Variants in NEBL observed in about 807,000 individuals in gnomAD.
NEBL encodes LIM and SH3 protein 2.
A neutral mutation model predicts 140.2 loss-of-function variants in NEBL; 122 were observed. The observed-to-expected ratio is 0.87, with a 90% confidence interval of 0.75 to 1.01. The LOEUF (loss-of-function observed/expected upper bound fraction) is 1.01. NEBL is among the 50% of genes least tolerant of loss of function. The probability of loss-of-function intolerance (pLI) is 0.00; values close to 1 mark genes in which losing one functional copy is unlikely to be tolerated. For missense variants in NEBL, 1,365 were observed against 1,231.3 expected (o/e 1.11, Z -1.62); for synonymous variants, 436 against 398.9 (o/e 1.09, Z -1.11).
upstream of NEBL, among the ~76,000 whole-genome samples, chr10:21,179,203 C>T (rs1841348659): frequency 6.6e-6 from 1 of 152,132 alleles, no homozygotes; most frequent in African/African-American, 2.4e-5. Context: ...ACAGGGTCAG[C>T]CTGCTCTCTG....
intron 3 of NEBL, among the ~76,000 whole-genome samples, chr10:21,003,003 C>CTTTTTTTT: frequency 7.8e-6 from 1 of 127,764 alleles, no homozygotes; most frequent in Non-Finnish European, 1.6e-5. Context: ...CATTATGTGG[C>CTTTTTTTT]TTTTTTTTTT....
At chr10:21,039,621 A>G (rs75820862) in intron 2 of NEBL, among the ~76,000 whole-genome samples, 4,251 of 152,254 alleles carry the variant, frequency 0.028, 89 homozygotes, top group Middle Eastern at 0.092. Context: ...ACCACTGAAC[A>G]TAACTTAAAA....
chr10:21,117,526 T>TCAGCC (rs1838340036), intron 2 of NEBL, among the ~76,000 whole-genome samples: 1 of 152,192 alleles, frequency 6.6e-6, no homozygotes, highest in Non-Finnish European at 1.5e-5. Context: ...TTCCTGTGCC[T>TCAGCC]CAGCCTAGAA....
chr10:20,826,710 A>G (rs1839914258), intron 17 of NEBL, among the ~76,000 whole-genome samples, 171 bp from the exon 18 acceptor site: 1 of 152,168 alleles, frequency 6.6e-6, no homozygotes, highest in Non-Finnish European at 1.5e-5. Flanking sequence ...TAATCCATGA[A>G]AACTTTGGTT....
chr10:20,799,810 C>T (rs10740985), intron 26 of NEBL, among the ~76,000 whole-genome samples: 69,557 of 151,784 alleles, frequency 0.46, 16,721 homozygotes, highest in East Asian at 0.64. Flanking sequence ...GTATTTTCTT[C>T]TTCTTAAATA....
At chr10:21,051,860 G>C (rs1052135783) in intron 2 of NEBL, among the ~76,000 whole-genome samples, 2 of 152,078 alleles carry the variant, frequency 1.3e-5, no homozygotes, top group East Asian at 1.9e-4. Context: ...TGTTCCTTAA[G>C]TATTTAATTT....
chr10:20,957,007 T>G (rs1835837889), intron 4 of NEBL, among the ~76,000 whole-genome samples: 1 of 152,218 alleles, frequency 6.6e-6, no homozygotes, highest in Non-Finnish European at 1.5e-5. Flanking sequence ...GTCAGCAGCC[T>G]GAACATGGTT....
At chr10:21,234,010 G>A in intron 3 of NEBL, among the ~76,000 whole-genome samples, 1 of 126,722 alleles carries the variant, frequency 7.9e-6, no homozygotes, top group Admixed American at 8.0e-5. Context: ...GAGATTGTGA[G>A]ATAGATAGAT....
At chr10:21,082,276 T>C (rs1347527533) in intron 2 of NEBL, among the ~76,000 whole-genome samples, 2 of 152,152 alleles carry the variant, frequency 1.3e-5, no homozygotes, top group Non-Finnish European at 2.9e-5. Flanking sequence ...ATAAAGAATA[T>C]TTATTTGGGC....
chr10:20,929,584 T>TA (rs529964516), intron 4 of NEBL, among the ~76,000 whole-genome samples: 102 of 152,246 alleles, frequency 6.7e-4, no homozygotes, highest in African/African-American at 2.4e-3. Flanking sequence ...AGAGAAAGAA[T>TA]AAAATCATAT....
intron 3 of NEBL, chr10:21,247,648 T>A (rs997235019): frequency 4.6e-5 from 7 of 152,194 alleles, no homozygotes; most frequent in African/African-American, 1.4e-4. Context: ...CTTCCCCAAG[T>A]CCCTGGTAAC....
intron 3 of NEBL, among the ~76,000 whole-genome samples, chr10:20,981,074 G>T (rs1837020087): frequency 6.6e-6 from 1 of 152,124 alleles, no homozygotes; most frequent in African/African-American, 2.4e-5. Context: ...ATAGGCATAA[G>T]CCACTGTGCC....
At chr10:20,828,783 G>GA in intron 16 of NEBL, 149 bp from the exon 17 acceptor site, 2 of 620,792 alleles carry the variant, frequency 3.2e-6, no homozygotes, top group South Asian at 1.8e-5. Context: ...GAGAGAGAGA[G>GA]GTGGAGAGAC....
chr10:21,007,280 A>G (rs1295515330), intron 3 of NEBL, among the ~76,000 whole-genome samples: 1 of 152,204 alleles, frequency 6.6e-6, no homozygotes, highest in Admixed American at 6.5e-5. Flanking sequence ...GGGCCAAAGG[A>G]GGTATCCAAT....
intron 4 of NEBL, among the ~76,000 whole-genome samples, chr10:20,924,402 C>G (rs1266216276): frequency 1.0e-5 from 1 of 99,056 alleles, no homozygotes; most frequent in African/African-American, 3.9e-5. Flanking sequence ...AGCTCTCGAT[C>G]AGGCATGAAG....
chr10:20,907,399 A>C (rs1450927669), intron 4 of NEBL, among the ~76,000 whole-genome samples: 1 of 152,160 alleles, frequency 6.6e-6, no homozygotes, highest in Non-Finnish European at 1.5e-5. Context: ...GTAAAGTCCC[A>C]CTAGTTTTCA....
chr10:20,808,539 C>T lies in NEBL; in HGVS notation c.2732G>A (p.Ser911Asn). 1 of 1,613,976 alleles carries T rather than the reference C, an allele frequency of 6.2e-7. No individual in the cohort carries two copies. ...SEIYPSFSCC[S>N]EVTRPSDEGA... ...TTCATCAGACGGTCTTGTTACCTCA[C>T]TGCAGCATGAAAAGCTAGGGTAAAT... Residue 911 changes from serine (S) to asparagine (N), a missense_variant, in exon 26 of 28, where the codon AGT (serine) becomes AAT (asparagine). Around this residue, in one of 2 missense-constraint regions of NEBL, gnomAD observed 1,323 missense variants for 1,154.8 expected, o/e 1.15. Transcript: ENST00000377122.
chr10:21,236,721 T>C (rs1842358294), intron 3 of NEBL, among the ~76,000 whole-genome samples: 1 of 152,150 alleles, frequency 6.6e-6, no homozygotes, highest in Non-Finnish European at 1.5e-5. Context: ...TAAATTTAAA[T>C]CTGACGTAAT....
At chr10:21,016,452 T>C (rs943494203) in intron 3 of NEBL, among the ~76,000 whole-genome samples, 3 of 152,216 alleles carry the variant, frequency 2.0e-5, no homozygotes, top group Non-Finnish European at 2.9e-5. Context: ...GGGGGGGAAA[T>C]AAAAAGAAAA....
Sources: allele counts gnomAD v4.1 joint callset (sites outside exome capture counted in the v4.1 genomes callset), GRCh38; gene constraint gnomAD v4.1.1; regional missense constraint gnomAD v4.1.1; transcripts MANE v1.5; gene names NCBI Gene and HGNC (gene_info 2026-07-23, HGNC 2026-07-21).